Variants in ERBB4 observed in about 807,000 individuals in gnomAD.
ERBB4 encodes the protein erb-b2 receptor tyrosine kinase 4.
In ERBB4, 42 loss-of-function variants were observed where a neutral mutation model predicts 158.0. That is an observed-to-expected ratio of 0.27 (90% confidence interval 0.21 to 0.34). The LOEUF (loss-of-function observed/expected upper bound fraction) is 0.34, where lower values mean the gene tolerates loss of function less well. ERBB4 is among the 10% of genes least tolerant of loss of function. The probability of loss-of-function intolerance (pLI) is 1.00; values close to 1 mark genes in which losing one functional copy is unlikely to be tolerated. For missense variants in ERBB4, 1,333 were observed against 1,624.1 expected (o/e 0.82, Z 3.08); for synonymous variants, 583 against 558.7 (o/e 1.04, Z -0.61).
intron 20 of ERBB4, among the ~76,000 whole-genome samples, chr2:211,550,980 G>A (rs1200542477): frequency 6.7e-6 from 1 of 150,246 alleles, no homozygotes; most frequent in Non-Finnish European, 1.5e-5. Context: ...TCGCTCTGTC[G>A]CCCAGGCTGG....
intron 2 of ERBB4, among the ~76,000 whole-genome samples, chr2:212,120,413 T>C (rs990007245): frequency 2.0e-5 from 3 of 152,218 alleles, no homozygotes; most frequent in African/African-American, 7.2e-5. Flanking sequence ...ATAGTTCATA[T>C]ATGAAATTGG....
chr2:211,663,683 C>A (rs972228151), intron 15 of ERBB4, among the ~76,000 whole-genome samples: 11 of 152,124 alleles, frequency 7.2e-5, no homozygotes, highest in Non-Finnish European at 1.5e-4. Context: ...ATCTCACTTT[C>A]ATTTCTCTAA....
chr2:211,678,320 A>AC (rs2072179952), intron 13 of ERBB4, among the ~76,000 whole-genome samples: 1 of 9,310 alleles, frequency 1.1e-4, no homozygotes, highest in Non-Finnish European at 1.9e-4. Context: ...CAAACAAACA[A>AC]AAAAAAAAAA....
rs376362405 is a variant in ERBB4 at position 211,550,574 on chromosome 2, A to AATATAT, written c.2487+11323_2487+11328dup. 7.3e-3 allele frequency among the ~76,000 whole-genome samples: 1,004 copies of AATATAT among 136,890 alleles called. 13 individuals carry two copies. The highest frequency in any genetic ancestry group is 0.026 in the African/African-American group (925 of 36,072). The allele number at this position is 136,890 out of a possible 152,430, so 89.8% of individuals were successfully genotyped here. A position where few individuals can be genotyped will look rare whatever the true frequency, so the allele number is the denominator to read the frequency against. ...ATAATCTCATGAGCTCATTCCTTAGAATATATATATATATATATATAAATA... is the reference window on the plus strand; with the variant it reads ...ATAATCTCATGAGCTCATTCCTTAGAATATATATATATATATATATATATATAAATA... On this transcript the variant is annotated intron_variant, in intron 20 of 27. Transcript: ENST00000342788.
chr2:211,732,460 C>T (rs779636897), intron 5 of ERBB4, among the ~76,000 whole-genome samples: 24 of 151,974 alleles, frequency 1.6e-4, no homozygotes, highest in Admixed American at 2.6e-4. Flanking sequence ...AAATAAAATA[C>T]GACTAATTTT....
At chr2:211,605,258 A>C (rs757011155) in intron 19 of ERBB4, among the ~76,000 whole-genome samples, 3 of 152,172 alleles carry the variant, frequency 2.0e-5, no homozygotes, top group Non-Finnish European at 2.9e-5. Context: ...CTGTAATGAG[A>C]TGAATACTAA....
intron 25 of ERBB4, among the ~76,000 whole-genome samples, chr2:211,410,280 A>C (rs1351082066): frequency 6.6e-6 from 1 of 152,114 alleles, no homozygotes; most frequent in Non-Finnish European, 1.5e-5. Context: ...CCCGAATTGG[A>C]GGTCAGTTAT....
chr2:211,786,815 G>A (rs2076175520), intron 4 of ERBB4, among the ~76,000 whole-genome samples: 1 of 152,188 alleles, frequency 6.6e-6, no homozygotes, highest in African/African-American at 2.4e-5. Flanking sequence ...AGCATGGGCA[G>A]ACTGAAAACA....
chr2:211,388,428 G>A (rs1325575993), intron 25 of ERBB4, among the ~76,000 whole-genome samples: 1 of 152,190 alleles, frequency 6.6e-6, no homozygotes, highest in Non-Finnish European at 1.5e-5. Flanking sequence ...TCTGGAAGGA[G>A]ATGGCAGGAG....
intron 2 of ERBB4, among the ~76,000 whole-genome samples, chr2:212,106,850 G>A (rs937469338): frequency 3.9e-5 from 6 of 152,236 alleles, no homozygotes; most frequent in African/African-American, 1.2e-4. Context: ...TTCAGAGGGT[G>A]CAAGCCCCAA....
intron 4 of ERBB4, chr2:211,778,951 C>T (rs2075967131): frequency 6.6e-6 from 1 of 152,180 alleles, no homozygotes; most frequent in Non-Finnish European, 1.5e-5. Flanking sequence ...GTGACCTTAT[C>T]TTGTACCAAC....
At chr2:212,005,244 A>G (rs2125292459) in intron 2 of ERBB4, among the ~76,000 whole-genome samples, 1 of 152,258 alleles carries the variant, frequency 6.6e-6, no homozygotes, top group Middle Eastern at 3.4e-3. Context: ...TTAGCCATAA[A>G]GCAGAACTCG....
chr2:212,078,634 C>T (rs1305302980), intron 2 of ERBB4, among the ~76,000 whole-genome samples: 4 of 151,842 alleles, frequency 2.6e-5, no homozygotes, highest in South Asian at 4.1e-4. Context: ...GTACTATGGG[C>T]TCATTGTACA....
chr2:211,738,736 G>A (rs1420624193), intron 5 of ERBB4, among the ~76,000 whole-genome samples: 1 of 150,634 alleles, frequency 6.6e-6, no homozygotes, highest in Non-Finnish European at 1.5e-5. Context: ...GTGTGATCTT[G>A]GCTCACTGCA....
rs753522337 is a variant in ERBB4 at position 211,422,000 on chromosome 2, T to TACTC, written c.2964+3_2964+6dup. The TACTC allele has an allele frequency of 1.3e-6, 2 of 1,570,576 alleles. No individual in the cohort carries two copies. Among genetic ancestry groups the TACTC allele is most frequent in the South Asian group, 2.2e-5 (2 of 90,208 alleles). ...TAGTCTTAAAGGCATAAGTCAAATG[T>TACTC]ACTCACCTGAATAACTAGGTATCTT... On this transcript the variant is annotated splice_region_variant and intron_variant, in intron 24 of 27. Transcript: ENST00000342788.
chr2:211,823,048 A>G (rs1005717057), intron 3 of ERBB4, among the ~76,000 whole-genome samples: 8 of 152,008 alleles, frequency 5.3e-5, no homozygotes, highest in Non-Finnish European at 1.0e-4. Context: ...ATAAATCACT[A>G]TGGAACAAAA....
chr2:212,221,891 C>G (rs1008149122), intron 1 of ERBB4, among the ~76,000 whole-genome samples: 1 of 151,330 alleles, frequency 6.6e-6, no homozygotes, highest in Admixed American at 6.6e-5. Context: ...TTCTCTATCT[C>G]TTGATATTTG....
intron 20 of ERBB4, among the ~76,000 whole-genome samples, chr2:211,515,912 A>ATTTT (rs1553555083): frequency 6.7e-4 from 53 of 78,974 alleles, no homozygotes; most frequent in East Asian, 1.7e-3. Flanking sequence ...ATATATATAT[A>ATTTT]TTTTTTTTTT....
intron 20 of ERBB4, among the ~76,000 whole-genome samples, chr2:211,479,895 C>CT (rs2065041677): frequency 6.6e-6 from 1 of 152,034 alleles, no homozygotes. Flanking sequence ...ATAATTAACA[C>CT]TTTTTTTCCC....
Sources: gnomAD v4.1 joint callset for allele counts (sites outside exome capture counted in the v4.1 genomes callset) on GRCh38, gnomAD v4.1.1 for gene constraint, MANE v1.5 for transcripts, NCBI Gene and HGNC (gene_info 2026-07-23, HGNC 2026-07-21) for gene names.